Variants in MYO9B observed in about 807,000 individuals in gnomAD.
MYO9B encodes unconventional myosin-IXb.
In MYO9B, 71 loss-of-function variants were observed where a neutral mutation model predicts 229.5. The observed-to-expected ratio is 0.31, with a 90% CI of 0.26 to 0.38. The LOEUF is 0.38. MYO9B is among the 10% of genes least tolerant of loss of function. MYO9B has a pLI of 1.00. For synonymous variants in MYO9B, 1,185 were observed against 1,235.8 expected, an observed-to-expected ratio of 0.96 and a Z score of 0.86; for missense variants, 2,255 against 2,920.5, an observed-to-expected ratio of 0.77 and a Z score of 5.25.
rs1401340291 is a variant in MYO9B, at chr19:17,201,909, T to G, written c.4564-17T>G. ...CCAGGCCTGAGGCACGCAGGGTCAG[T>G]TCCTCTCCCCTTCCAGATAAATGAC... On this transcript the variant is annotated splice_polypyrimidine_tract_variant and intron_variant, in intron 26 of 39. Transcript: ENST00000682292. The G allele has an allele frequency of 6.2e-7, 1 of 1,601,672 alleles. No homozygotes were observed. Among genetic ancestry groups the G allele is most frequent in the Non-Finnish European group, 8.5e-7 (1 of 1,171,300 alleles).
intron 2 of MYO9B, among the ~76,000 whole-genome samples, chr19:17,104,951 C>CACATTCTTTGAGTTTGGACAAAAGTAT (rs2057779117): frequency 6.6e-6 from 1 of 152,070 alleles, no homozygotes; most frequent in Non-Finnish European, 1.5e-5. Context: ...CTTGGTGTTG[C>CACATTCTTTGAGTTTGGACAAAAGTAT]ACATTCTTTG....
chr19:17,100,814 G>A (rs113540019), intron 1 of MYO9B, among the ~76,000 whole-genome samples: 116 of 152,102 alleles, frequency 7.6e-4, no homozygotes, highest in African/African-American at 2.5e-3. Flanking sequence ...TGCATTTTTC[G>A]TGGCTCTCCC....
intron 19 of MYO9B, among the ~76,000 whole-genome samples, chr19:17,188,361 A>G (rs3826693): frequency 0.53 from 78,932 of 148,890 alleles, 22,688 homozygotes; most frequent in East Asian, 0.74. Context: ...TCCAGGAGGC[A>G]GAGGTTGCAG....
intron 10 of MYO9B, among the ~76,000 whole-genome samples, chr19:17,163,603 G>C (rs2072628634): frequency 6.6e-6 from 1 of 151,908 alleles, no homozygotes. Context: ...CCTGAGCTCA[G>C]GCAATCTGCT....
intron 10 of MYO9B, among the ~76,000 whole-genome samples, chr19:17,163,758 G>A (rs185440993): frequency 5.9e-5 from 9 of 152,166 alleles, no homozygotes; most frequent in Middle Eastern, 3.4e-3. Flanking sequence ...GGCTTATTTC[G>A]CATAGTATAA....
chr19:17,174,628 C>A (rs1379806153), intron 13 of MYO9B, among the ~76,000 whole-genome samples: 1 of 151,882 alleles, frequency 6.6e-6, no homozygotes, highest in Non-Finnish European at 1.5e-5. Flanking sequence ...CAGAGCAAGA[C>A]TCCGTCTCAG....
chr19:17,184,549 G>A (rs1001218764), intron 16 of MYO9B: 2 of 303,800 alleles, frequency 6.6e-6, no homozygotes, highest in African/African-American at 4.2e-5. Flanking sequence ...GAGCTATGCA[G>A]AGGAGAGGGA....
chr19:17,081,575 G>A (rs1234831142), intron 1 of MYO9B, among the ~76,000 whole-genome samples: 4 of 152,014 alleles, frequency 2.6e-5, no homozygotes, highest in Admixed American at 6.6e-5. Context: ...TTGGGAGGCC[G>A]AGGTGGGAGG....
In MYO9B at chr19:17,132,529, T is replaced by TA. The variant is rs1568266222; in HGVS notation, c.841-12868_841-12867insA. 3.5e-3 allele frequency among the ~76,000 whole-genome samples: 316 copies of TA among 90,932 alleles called. 1 individual carries two copies. The highest frequency in any genetic ancestry group is 8.5e-3 in the African/African-American group (168 of 19,826). The allele number at this position is 90,932 out of a possible 152,430, so 59.7% of individuals were successfully genotyped here. On this transcript the variant is annotated intron_variant, in intron 2 of 39. Coordinates refer to ENST00000682292, the MANE Select transcript of MYO9B (RefSeq NM_004145.4). ...ATTTATTTATTTATTATTATTATTT[T>TA]TTTTTTTTTTTTTTTTTGAGACAGA...
Position 17,206,797 on chromosome 19 carries a change from C to T in MYO9B, c.5492+13C>T, listed in dbSNP as rs114062782. 2,497 of 1,557,848 alleles carry T rather than the reference C, an allele frequency of 1.6e-3. 22 individuals carry two copies. In the African/African-American group the frequency reaches 0.028, roughly 18 times the overall value. On this transcript the variant is annotated intron_variant, in intron 34 of 39. Coordinates refer to ENST00000682292, the MANE Select transcript of MYO9B (RefSeq NM_004145.4). ...TCCACCTTGTCAAGCAAGTGCCTCC[C>T]CACCTGCCCTCTGTGGGGTTAGGGT...
intron 29 of MYO9B, 54 bp from the exon 30 acceptor site, chr19:17,203,093 T>C (rs1341264698): frequency 6.8e-7 from 1 of 1,471,710 alleles, no homozygotes; most frequent in Non-Finnish European, 9.3e-7. Context: ...CACCAGTGGC[T>C]GGGGAGGGCT....
chr19:17,076,338 G>A (rs758494402), intron 1 of MYO9B, among the ~76,000 whole-genome samples: 9 of 152,030 alleles, frequency 5.9e-5, no homozygotes, highest in Non-Finnish European at 1.3e-4. Context: ...TGTCTGAGAA[G>A]AGGGCGGCGC....
intron 2 of MYO9B, among the ~76,000 whole-genome samples, chr19:17,121,221 A>G (rs62127909): frequency 0.23 from 35,076 of 151,904 alleles, 4,501 homozygotes; most frequent in African/African-American, 0.34. Flanking sequence ...GGGATTCCAG[A>G]CGTCAGCCAC....
chr19:17,077,768 A>G (rs891948073), intron 1 of MYO9B, among the ~76,000 whole-genome samples: 5 of 151,966 alleles, frequency 3.3e-5, no homozygotes, highest in African/African-American at 7.3e-5. Flanking sequence ...CCCACTCTCC[A>G]TTCCTGGCTG....
intron 2 of MYO9B, among the ~76,000 whole-genome samples, chr19:17,117,020 G>A (rs1181900285): frequency 6.6e-6 from 1 of 152,170 alleles, no homozygotes; most frequent in African/African-American, 2.4e-5. Context: ...TATATTTTAA[G>A]CACCATAAAA....
At chr19:17,129,688 G>A (rs936697775) in intron 2 of MYO9B, among the ~76,000 whole-genome samples, 1 of 152,236 alleles carries the variant, frequency 6.6e-6, no homozygotes, top group Non-Finnish European at 1.5e-5. Flanking sequence ...AGGAATGCGA[G>A]TTGAAGAGGG....
At chr19:17,078,179 G>A (rs568192606) in intron 1 of MYO9B, among the ~76,000 whole-genome samples, 30 of 152,300 alleles carry the variant, frequency 2.0e-4, no homozygotes, top group African/African-American at 7.0e-4. Context: ...GGGGACAGAG[G>A]TGAATCCTTA....
intron 1 of MYO9B, among the ~76,000 whole-genome samples, chr19:17,085,451 G>A (rs894158983): frequency 3.9e-5 from 6 of 151,956 alleles, no homozygotes; most frequent in Non-Finnish European, 7.4e-5. Flanking sequence ...GTGGAGAATG[G>A]GAATAAACTT....
chr19:17,077,472 CTTG>C (rs1435131881), intron 1 of MYO9B, among the ~76,000 whole-genome samples: 3 of 152,200 alleles, frequency 2.0e-5, no homozygotes, highest in African/African-American at 7.2e-5. Flanking sequence ...GAACTGTAGG[CTTG>C]CACTGGCCTA....
Sources: allele counts gnomAD v4.1 joint callset (sites outside exome capture counted in the v4.1 genomes callset), GRCh38; gene constraint gnomAD v4.1.1; transcripts MANE v1.5; gene names NCBI Gene and HGNC (gene_info 2026-07-23, HGNC 2026-07-21).